RAB3IL1: variants seen among roughly 807,000 people sequenced by gnomAD.
RAB3IL1 encodes the protein RAB3A interacting protein like 1.
RAB3IL1 carries 37 observed loss-of-function variants against 49.2 expected under a neutral mutation model. The observed-to-expected ratio is 0.75, with a 90% confidence interval of 0.58 to 0.99. The LOEUF (loss-of-function observed/expected upper bound fraction) is 0.99, where lower values mean the gene tolerates loss of function less well. RAB3IL1 is among the 50% of genes least tolerant of loss of function. RAB3IL1 has a pLI of 0.00. For synonymous variants in RAB3IL1, 193 were observed against 213.9 expected (o/e 0.90, Z 0.85); for missense variants, 484 against 513.0 (o/e 0.94, Z 0.55).
chr11:61,943,499 T>A, the RAB3IL1 span, among the ~76,000 whole-genome samples: 37 of 152,304 alleles, frequency 2.4e-4, no homozygotes, highest in African/African-American at 8.7e-4. Flanking sequence ...CTTTCATGCA[T>A]CAAGGAACCT....
chr11:61,914,453 A>G (rs1347815767), intron 1 of RAB3IL1, among the ~76,000 whole-genome samples: 1 of 152,250 alleles, frequency 6.6e-6, no homozygotes, highest in East Asian at 1.9e-4. Context: ...GTCCAGCACC[A>G]TGTTAGATAC....
At chr11:61,907,046 GAC>G (rs1939227991) in intron 4 of RAB3IL1, among the ~76,000 whole-genome samples, 1 of 152,226 alleles carries the variant, frequency 6.6e-6, no homozygotes, top group East Asian at 1.9e-4. Flanking sequence ...GAGAGGAAGC[GAC>G]TTGCCCAGGC....
At chr11:61,934,317 T>TACACACACACACACACACAC in the RAB3IL1 span, among the ~76,000 whole-genome samples, 5 of 33,182 alleles carry the variant, frequency 1.5e-4, no homozygotes, top group African/African-American at 5.8e-4. Flanking sequence ...CCTGAGTAAA[T>TACACACACACACACACACAC]ATACACACAC....
chr11:61,908,592 G>C (rs1591229806), intron 1 of RAB3IL1, among the ~76,000 whole-genome samples: 1 of 152,328 alleles, frequency 6.6e-6, no homozygotes, highest in South Asian at 2.1e-4. Context: ...ACAGTAGGTG[G>C]TCAGCGTCTT....
At chr11:61,934,684 G>T in the RAB3IL1 span, among the ~76,000 whole-genome samples, 1 of 151,384 alleles carries the variant, frequency 6.6e-6, no homozygotes, top group African/African-American at 2.4e-5. Context: ...CTGATCTTCA[G>T]GCTCTCTGTA....
At chr11:61,931,369 C>A in the RAB3IL1 span, among the ~76,000 whole-genome samples, 763 of 152,300 alleles carry the variant, frequency 5.0e-3, 12 homozygotes, top group African/African-American at 0.017. Context: ...TAAAGACAGA[C>A]TTTTACCCTC....
the RAB3IL1 span, among the ~76,000 whole-genome samples, chr11:61,937,215 A>G: frequency 1.3e-5 from 2 of 152,344 alleles, no homozygotes; most frequent in African/African-American, 4.8e-5. Context: ...GTAGGGGATG[A>G]AGCTATAGAG....
the RAB3IL1 span, among the ~76,000 whole-genome samples, chr11:61,934,715 G>T: frequency 6.6e-6 from 1 of 151,586 alleles, no homozygotes; most frequent in East Asian, 2.0e-4. Context: ...AAAGGTTAAA[G>T]CACAGTTGTA....
chr11:61,908,132 C>A lies in RAB3IL1; in HGVS notation c.186G>T (p.Leu62Phe). The change falls in exon 2 of 10, where the codon TTG (leucine) becomes TTT (phenylalanine). Residue 62 changes from leucine (L) to phenylalanine (F), a missense_variant. Transcript: ENST00000394836. ...TCTCCATGGAAGAGCTGCGCAGGCG[C>A]AACACGTCCAGCTGGGCGGCTGCGG... ...EGPAAAQLDV[L>F]RLRSSSMEIR... is the part of the protein sequence containing the mutation. 6.2e-7 allele frequency: 1 copy of A among 1,601,402 alleles called. No individual in the cohort carries two copies. The highest frequency in any genetic ancestry group is 2.3e-5 in the East Asian group (1 of 43,846).
the RAB3IL1 span, among the ~76,000 whole-genome samples, chr11:61,942,135 C>A: frequency 3.9e-5 from 6 of 152,212 alleles, no homozygotes; most frequent in East Asian, 1.2e-3. Flanking sequence ...CGCTTGAAAC[C>A]AGAAGATGGA....
the RAB3IL1 span, among the ~76,000 whole-genome samples, chr11:61,944,772 C>T: frequency 6.6e-6 from 1 of 152,204 alleles, no homozygotes; most frequent in Non-Finnish European, 1.5e-5. Flanking sequence ...TCTTGGCTCA[C>T]TGCAACCTCT....
Position 61,898,176 on chromosome 11 carries a change from G to T in RAB3IL1, c.*102C>A. ...CTGTCTGTCCATCCATTCTGCCTCT[G>T]GCTCAGGGCTGGCTCCAGGCCCCCG... On this transcript the variant is annotated 3_prime_UTR_variant, in exon 10 of 10. Transcript: ENST00000394836. This position sits in a 1 kb window ranked among gnomAD's most constrained non-coding sequence, Gnocchi z 5.1. 1 of 1,077,978 alleles carries T rather than the reference G, an allele frequency of 9.3e-7. No homozygotes were observed. Among genetic ancestry groups the T allele is most frequent in the Non-Finnish European group, 1.4e-6 (1 of 724,732 alleles). The allele number at this position is 1,077,978 out of a possible 1,614,324, so 66.8% of individuals were successfully genotyped here. A position where few individuals can be genotyped will look rare whatever the true frequency, so the allele number is the denominator to read the frequency against.
the RAB3IL1 span, among the ~76,000 whole-genome samples, chr11:61,939,693 G>A: frequency 1.3e-5 from 2 of 152,012 alleles, no homozygotes; most frequent in South Asian, 2.1e-4. Flanking sequence ...GCTCACGCCT[G>A]TAATCTGAGC....
chr11:61,931,121 C>A, the RAB3IL1 span, among the ~76,000 whole-genome samples: 1 of 152,114 alleles, frequency 6.6e-6, no homozygotes, highest in African/African-American at 2.4e-5. Flanking sequence ...CAAAGCGAAC[C>A]GATAAGCAAT....
chr11:61,927,863 C>G, the RAB3IL1 span, among the ~76,000 whole-genome samples: 2 of 152,100 alleles, frequency 1.3e-5, no homozygotes, highest in Non-Finnish European at 2.9e-5. Flanking sequence ...CCCAGCCATG[C>G]CTCCTGTACA....
intron 2 of RAB3IL1, 108 bp downstream of exon 2, chr11:61,907,946 C>T: frequency 6.8e-7 from 1 of 1,467,524 alleles, no homozygotes; most frequent in Non-Finnish European, 9.1e-7. Flanking sequence ...TCGGTGAGGG[C>T]ACATCCCTCT....
the RAB3IL1 span, among the ~76,000 whole-genome samples, chr11:61,934,323 C>T: frequency 0.021 from 2,292 of 108,900 alleles, 32 homozygotes; most frequent in East Asian, 0.066. Context: ...TAAATATACA[C>T]ACACACACAC....
Position 61,907,651 on chromosome 11 carries a change from G to T in RAB3IL1, c.274C>A (p.Leu92Ile). The T allele has an allele frequency of 1.9e-6, 3 of 1,614,008 alleles. No homozygotes were observed. The highest frequency in any genetic ancestry group is 2.5e-6 in the Non-Finnish European group (3 of 1,180,004). Residue 92 changes from leucine (L) to isoleucine (I), a missense_variant, in exon 3 of 10, where the codon CTA (leucine) becomes ATA (isoleucine). Leu to Ile is a conservative substitution (Grantham distance 5, BLOSUM62 2). Transcript: ENST00000394836. ...ELHRAQKELK[L>I]KDEECERLSK... ...AGCCGCTCACATTCCTCGTCCTTTAGCTTCAGCTCCTGGAGGAAAAGAGGC... is the reference window on the plus strand; with the variant it reads ...AGCCGCTCACATTCCTCGTCCTTTATCTTCAGCTCCTGGAGGAAAAGAGGC...
the RAB3IL1 span, among the ~76,000 whole-genome samples, chr11:61,929,392 C>T: frequency 1.3e-5 from 2 of 152,026 alleles, no homozygotes; most frequent in South Asian, 4.2e-4. Context: ...ATTGTCCCAG[C>T]TACTTGGGAG....
Sources: gnomAD v4.1 joint callset for allele counts (sites outside exome capture counted in the v4.1 genomes callset) on GRCh38, gnomAD v4.1.1 for gene constraint, Gnocchi (gnomAD v3.1) non-coding constraint, MANE v1.5 for transcripts, NCBI Gene and HGNC (gene_info 2026-07-23, HGNC 2026-07-21) for gene names.